The following DIP2C variants were observed in gnomAD, a reference collection of about 807,000 sequenced individuals.
The protein encoded by DIP2C is disco-interacting protein 2 homolog C.
In DIP2C, 33 loss-of-function variants were observed where a neutral mutation model predicts 192.4. The ratio of observed to expected loss-of-function variants is 0.17; its 90% CI spans 0.13 to 0.23. The LOEUF is 0.23. Among genes scored for constraint, DIP2C ranks in the 10% least tolerant of loss-of-function variants. DIP2C has a pLI of 1.00. For synonymous variants in DIP2C, 979 were observed against 864.1 expected (o/e 1.13, Z -2.33); for missense variants, 1,537 against 2,110.1 (o/e 0.73, Z 5.32).
chr10:427,670 G>A (rs762444013), intron 4 of DIP2C, among the ~76,000 whole-genome samples: 5 of 152,182 alleles, frequency 3.3e-5, no homozygotes, highest in African/African-American at 9.7e-5. Flanking sequence ...ATTAAAAGAT[G>A]CTTAGCATCA....
At chr10:291,177 G>A (rs964893612) in intron 32 of DIP2C, among the ~76,000 whole-genome samples, 6 of 152,220 alleles carry the variant, frequency 3.9e-5, no homozygotes, top group Non-Finnish European at 7.3e-5. Flanking sequence ...CCCTCCGGCC[G>A]TATGTCCTTC....
chr10:606,454 C>T (rs969538322), intron 1 of DIP2C, among the ~76,000 whole-genome samples: 1 of 151,664 alleles, frequency 6.6e-6, no homozygotes, highest in Admixed American at 6.6e-5. Flanking sequence ...GGATCTCTCG[C>T]CCCGCTGCGG....
chr10:356,278 C>A, intron 24 of DIP2C, 148 bp downstream of exon 24: 1 of 885,962 alleles, frequency 1.1e-6, no homozygotes, highest in Non-Finnish European at 1.8e-6. Context: ...TCCCTAGGTA[C>A]AAAAGTCTCA....
At chr10:503,876 C>T (rs965351532) in intron 1 of DIP2C, among the ~76,000 whole-genome samples, 2 of 152,188 alleles carry the variant, frequency 1.3e-5, no homozygotes, top group African/African-American at 4.8e-5. Flanking sequence ...TTGTCTAAAC[C>T]CATTACTGTG....
chr10:521,468 G>A (rs1406081916), intron 1 of DIP2C, among the ~76,000 whole-genome samples: 1 of 152,126 alleles, frequency 6.6e-6, no homozygotes, highest in African/African-American at 2.4e-5. Context: ...TACAAGTCTC[G>A]CTTCCTCTCT....
chr10:655,470 T>C (rs1856225350), intron 1 of DIP2C, among the ~76,000 whole-genome samples: 1 of 152,072 alleles, frequency 6.6e-6, no homozygotes, highest in African/African-American at 2.4e-5. Context: ...CTGTGCTATG[T>C]GACTCTACTA....
intron 1 of DIP2C, among the ~76,000 whole-genome samples, chr10:638,471 A>G (rs1037972399): frequency 2.1e-4 from 32 of 152,342 alleles, no homozygotes; most frequent in African/African-American, 7.0e-4. Flanking sequence ...GGCTTTACAG[A>G]GAGTCAAATT....
chr10:393,793 A>AAG (rs1554841493), intron 10 of DIP2C, among the ~76,000 whole-genome samples: 7 of 134,950 alleles, frequency 5.2e-5, no homozygotes, highest in Non-Finnish European at 1.2e-4. Flanking sequence ...AAAAAAAAAA[A>AAG]AAAGAAAAAA....
At chr10:408,326 T>C (rs1015939030) in intron 9 of DIP2C, among the ~76,000 whole-genome samples, 15 of 152,128 alleles carry the variant, frequency 9.9e-5, no homozygotes, top group South Asian at 8.3e-4. Flanking sequence ...CAGTACCACA[T>C]TGTTGTGATT....
At position 446,439 on chromosome 10, in the gene DIP2C, G is replaced by C. The variant is rs548432080; in HGVS notation, c.269-5443C>G. Among the ~76,000 whole-genome samples, 6 of 152,034 alleles carry C rather than the reference G, an allele frequency of 3.9e-5. No homozygotes were observed. In the South Asian group the frequency reaches 1.0e-3, roughly 26 times the overall value. On this transcript the variant is annotated intron_variant, in intron 3 of 36. Transcript: ENST00000280886. ...CATCTGTATACATCTGTTGTGAAGA[G>C]TGTATCTTGCATGCTTGCAAAATTC...
In DIP2C at chr10:364,381, G is replaced by C; in HGVS notation, c.2470C>G (p.Arg824Gly). The C allele has an allele frequency of 6.2e-7, 1 of 1,610,764 alleles. No homozygotes were observed. Among genetic ancestry groups the C allele is most frequent in the Non-Finnish European group, 8.5e-7 (1 of 1,177,286 alleles). ...LAVEPMKFVYRGRIAVFSVTV... is the reference protein window; with the variant it reads ...LAVEPMKFVYGGRIAVFSVTV... ...TTGCAGAACGCCACTGACCTTCCCC[G>C]GTAGACAAACTTCATGGGTTCTACG... Residue 824 changes from arginine (R) to glycine (G), a missense_variant, in exon 20 of 37, where the codon CGG becomes GGG. By Grantham distance (125) the Arg-to-Gly change is moderately radical. Transcript: ENST00000280886.
rs544761094 is a variant in DIP2C, at chr10:421,748, T to C, written c.604+1076A>G. Among the ~76,000 whole-genome samples the C allele has an allele frequency of 2.0e-5, 3 of 152,330 alleles. No homozygotes were observed. The East Asian group carries it at 5.8e-4, about 29-fold the overall frequency. ...AGAGAGAAAAAAGAAATGGTTTTTT[T>C]CATTTTTTTCCTCACCAAAAGCCTA... On this transcript the variant is annotated intron_variant, in intron 5 of 36. Transcript: ENST00000280886.
intron 32 of DIP2C, 151 bp downstream of exon 32, chr10:309,880 T>C: frequency 1.3e-6 from 1 of 741,434 alleles, no homozygotes; most frequent in Non-Finnish European, 2.2e-6. Flanking sequence ...TTCAAGCCAA[T>C]GCCTAACTCC....
intron 4 of DIP2C, among the ~76,000 whole-genome samples, chr10:431,439 G>A (rs960632766): frequency 2.0e-5 from 3 of 152,068 alleles, no homozygotes; most frequent in Non-Finnish European, 2.9e-5. Context: ...GAGTGCTACT[G>A]GAAATTTTTT....
At chr10:599,822 A>C (rs1851940920) in intron 1 of DIP2C, among the ~76,000 whole-genome samples, 2 of 152,170 alleles carry the variant, frequency 1.3e-5, no homozygotes, top group African/African-American at 4.8e-5. Context: ...TTTAAGCATG[A>C]ACAGACTTTC....
At chr10:528,793 G>A (rs753920304) in intron 1 of DIP2C, among the ~76,000 whole-genome samples, 7 of 152,156 alleles carry the variant, frequency 4.6e-5, no homozygotes, top group South Asian at 2.1e-4. Context: ...AGGTGAGGCC[G>A]GGGGCAGAAG....
intron 3 of DIP2C, among the ~76,000 whole-genome samples, chr10:460,138 C>T (rs1277028015): frequency 6.6e-6 from 1 of 152,122 alleles, no homozygotes; most frequent in South Asian, 2.1e-4. Context: ...CATCAGGGAA[C>T]GGCATGCTGC....
chr10:347,253 C>CTCACCCAACCCA lies in DIP2C; in HGVS notation c.3231+1387_3231+1388insTGGGTTGGGTGA, dbSNP rs1564593282. Among the ~76,000 whole-genome samples, 485 of 124,808 alleles carry CTCACCCAACCCA rather than the reference C, an allele frequency of 3.9e-3. 172 individuals carry two copies. The highest frequency in any genetic ancestry group is 4.7e-3 in the Non-Finnish European group (290 of 61,096). 81.9% of individuals were successfully genotyped at this position (124,808 alleles called of 152,430 possible). On this transcript the variant is annotated intron_variant, in intron 26 of 36. Coordinates refer to ENST00000280886, the MANE Select transcript of DIP2C (RefSeq NM_014974.3). ...GCATAGTTCTCCCGGAAACCCCACA[C>CTCACCCAACCCA]GCACCCAACCCAGACACATCACGCA...
At chr10:512,086 C>T (rs998052681) in intron 1 of DIP2C, among the ~76,000 whole-genome samples, 7 of 152,226 alleles carry the variant, frequency 4.6e-5, no homozygotes, top group Non-Finnish European at 8.8e-5. Flanking sequence ...AAGGCATGAA[C>T]GGGCCTCCTG....
Sources: allele counts gnomAD v4.1 joint callset (sites outside exome capture counted in the v4.1 genomes callset), GRCh38; gene constraint gnomAD v4.1.1; transcripts MANE v1.5; gene names NCBI Gene and HGNC (gene_info 2026-07-23, HGNC 2026-07-21).